The following ATXN10 variants were observed in gnomAD, a reference collection of about 807,000 sequenced individuals.
ATXN10 encodes ataxin-10.
A neutral mutation model predicts 52.9 loss-of-function variants in ATXN10; 28 were observed. The ratio of observed to expected loss-of-function variants is 0.53; its 90% CI spans 0.39 to 0.73. The LOEUF (loss-of-function observed/expected upper bound fraction) is 0.73, where lower values mean the gene tolerates loss of function less well. ATXN10 is among the 30% of genes least tolerant of loss of function. ATXN10 has a pLI of 0.00. For missense variants in ATXN10, 565 were observed against 577.0 expected (o/e 0.98, Z 0.21); for synonymous variants, 226 against 221.5 (o/e 1.02, Z -0.18).
rs1019190981 is a variant in ATXN10 at position 45,835,191 on chromosome 22, C to T, written c.1238-7800C>T. On this transcript the variant is annotated intron_variant, in intron 10 of 11. Coordinates refer to ENST00000252934, the MANE Select transcript of ATXN10 (RefSeq NM_013236.4). The surrounding 1 kb of genome is among the most constrained non-coding windows in gnomAD (Gnocchi z 5.0). ...GAGTGGGCAGGGCACAGGTCATCTT[C>T]CCATGACTTCACTGCCAGATGGACG... Among the ~76,000 whole-genome samples the T allele has an allele frequency of 3.9e-5, 6 of 152,222 alleles. No individual in the cohort carries two copies. Among genetic ancestry groups the T allele is most frequent in the Non-Finnish European group, 8.8e-5 (6 of 68,048 alleles).
chr22:45,778,927 G>A (rs1298287627), intron 9 of ATXN10, among the ~76,000 whole-genome samples: 1 of 152,238 alleles, frequency 6.6e-6, no homozygotes, highest in Admixed American at 6.5e-5. Flanking sequence ...ACTCAGGCAT[G>A]TCTGGTGAGT....
At chr22:45,836,318 A>G (rs1929165989) in intron 10 of ATXN10, among the ~76,000 whole-genome samples, 1 of 152,270 alleles carries the variant, frequency 6.6e-6, no homozygotes. Context: ...ATCTCTTGAC[A>G]TTCGAGTTTA....
chr22:45,724,705 G>T (rs1924800003), intron 6 of ATXN10, among the ~76,000 whole-genome samples: 1 of 152,060 alleles, frequency 6.6e-6, no homozygotes, highest in Non-Finnish European at 1.5e-5. Flanking sequence ...TGTTCCATTT[G>T]CTTTTGGGAT....
chr22:45,826,456 T>C lies in ATXN10; in HGVS notation c.1238-16535T>C, dbSNP rs1360528984. On this transcript the variant is annotated intron_variant, in intron 10 of 11. Coordinates refer to ENST00000252934, the MANE Select transcript of ATXN10 (RefSeq NM_013236.4). This position sits in a 1 kb window ranked among gnomAD's most constrained non-coding sequence, Gnocchi z 5.0. ...TATACAACCAGGAAACTCGGTGAGC[T>C]CCAAGTTAAGATGAACTCAAGGAGA... 6.6e-6 allele frequency among the ~76,000 whole-genome samples: 1 copy of C among 152,064 alleles called. No homozygotes were observed. Among genetic ancestry groups the C allele is most frequent in the Non-Finnish European group, 1.5e-5 (1 of 68,012 alleles).
intron 7 of ATXN10, among the ~76,000 whole-genome samples, chr22:45,737,554 G>GT (rs1190970360): frequency 6.6e-6 from 1 of 151,666 alleles, no homozygotes; most frequent in South Asian, 2.1e-4. Flanking sequence ...AATATGAGTT[G>GT]TTTTTTGCTA....
intron 9 of ATXN10, among the ~76,000 whole-genome samples, chr22:45,806,098 A>G (rs1928090515): frequency 6.6e-6 from 1 of 152,232 alleles, no homozygotes; most frequent in African/African-American, 2.4e-5. Context: ...AATTTTAGAA[A>G]TGGGGTTACT....
In ATXN10 at chr22:45,738,919, T is replaced by A. The variant is rs557393724; in HGVS notation, c.1003+80T>A. The A allele has an allele frequency of 5.8e-5, 73 of 1,251,546 alleles. No homozygotes were observed. The South Asian group carries it at 8.3e-4, about 14-fold the overall frequency. 77.5% of individuals were successfully genotyped at this position (1,251,546 alleles called of 1,614,324 possible). ...ACTGTAATATAAATCCAAATACAAA[T>A]CCTTAATTTTCAGTGTACTTTGGGA... On this transcript the variant is annotated intron_variant, in intron 8 of 11. Coordinates refer to ENST00000252934, the MANE Select transcript of ATXN10 (RefSeq NM_013236.4).
At position 45,718,355 on chromosome 22, in the gene ATXN10, G is replaced by C. The variant is rs1375450379; in HGVS notation, c.648-58G>C. 2 of 1,280,542 alleles carry C rather than the reference G, an allele frequency of 1.6e-6. No individual in the cohort carries two copies. Among genetic ancestry groups the C allele is most frequent in the African/African-American group, 2.9e-5 (2 of 68,324 alleles). 79.3% of individuals were successfully genotyped at this position (1,280,542 alleles called of 1,614,324 possible). On this transcript the variant is annotated intron_variant, in intron 5 of 11. Transcript: ENST00000252934. The surrounding 1 kb of genome is among the most constrained non-coding windows in gnomAD (Gnocchi z 4.4). ...AAGTGGTGCCTATAAAGTAGATAAG[G>C]GCATGTCTCTTTTACTATGTTTCAA...
At chr22:45,729,929 A>G (rs1252299499) in intron 7 of ATXN10, among the ~76,000 whole-genome samples, 1 of 152,142 alleles carries the variant, frequency 6.6e-6, no homozygotes, top group Non-Finnish European at 1.5e-5. Context: ...TTCGGAATGT[A>G]AGCTCTAGGA....
Position 45,672,111 on chromosome 22 carries a change from G to T in ATXN10, c.48G>T (p.Val16=), listed in dbSNP as rs1188587285. The stretch of plus-strand genomic sequence containing the variant: ...CTGCCAGGCTGTCGGGCGTCATGGT[G>T]CCGGCGCCCATCCAAGACCTGGAGG... ...PPPARLSGVM[V]PAPIQDLEAL... Residue 16 remains valine (V), a synonymous_variant, in exon 1 of 12, where the codon GTG becomes GTT. Transcript: ENST00000252934. 6.5e-7 allele frequency: 1 copy of T among 1,540,070 alleles called. No individual in the cohort carries two copies. Among genetic ancestry groups the T allele is most frequent in the South Asian group, 1.2e-5 (1 of 83,914 alleles).
intron 5 of ATXN10, among the ~76,000 whole-genome samples, chr22:45,710,915 A>G (rs73441170): frequency 0.013 from 1,947 of 152,272 alleles, 45 homozygotes; most frequent in African/African-American, 0.045. Flanking sequence ...CTTCAGGCTT[A>G]TCTGAAGCAG....
At position 45,718,054 on chromosome 22, in the gene ATXN10, C is replaced by G. The variant is rs1569034942; in HGVS notation, c.648-359C>G. Among the ~76,000 whole-genome samples, 1 of 152,146 alleles carries G rather than the reference C, an allele frequency of 6.6e-6. No individual in the cohort carries two copies. The highest frequency in any genetic ancestry group is 1.5e-5 in the Non-Finnish European group (1 of 68,016). ...GTTCATTATAGCAGTTAGCTTCTGA[C>G]TAAACCAATTTAATATGTTTTTTGT... On this transcript the variant is annotated intron_variant, in intron 5 of 11. Coordinates refer to ENST00000252934, the MANE Select transcript of ATXN10 (RefSeq NM_013236.4). The surrounding 1 kb of genome is among the most constrained non-coding windows in gnomAD (Gnocchi z 4.4).
In ATXN10 at chr22:45,813,443, C is replaced by T. The variant is rs543888970; in HGVS notation, c.1237+6421C>T. On this transcript the variant is annotated intron_variant, in intron 10 of 11. Coordinates refer to ENST00000252934, the MANE Select transcript of ATXN10 (RefSeq NM_013236.4). ...TTTTTTGTTTTTTTCTTTTTTCTTCCTTTCTTCATTTCTTTTTTTTTTTTT... is the reference window on the plus strand; with the variant it reads ...TTTTTTGTTTTTTTCTTTTTTCTTCTTTTCTTCATTTCTTTTTTTTTTTTT... 1.9e-4 allele frequency among the ~76,000 whole-genome samples: 20 copies of T among 105,700 alleles called. No homozygotes were observed. In the East Asian group the frequency reaches 4.7e-3, roughly 25 times the overall value. 69.3% of individuals were successfully genotyped at this position (105,700 alleles called of 152,430 possible).
At chr22:45,802,668 C>A (rs2146880140) in intron 9 of ATXN10, among the ~76,000 whole-genome samples, 1 of 152,286 alleles carries the variant, frequency 6.6e-6, no homozygotes, top group Admixed American at 6.5e-5. Context: ...GGAACGCATA[C>A]CCTCAGTTGA....
chr22:45,809,430 T>A (rs1216568524), intron 10 of ATXN10, among the ~76,000 whole-genome samples: 1 of 152,250 alleles, frequency 6.6e-6, no homozygotes, highest in East Asian at 1.9e-4. Flanking sequence ...AGCTCCACTT[T>A]TTACACTTTT....
At chr22:45,691,934 CACACTGGTCTTGTTGTGG>C (rs1027527330) in intron 2 of ATXN10, among the ~76,000 whole-genome samples, 4 of 152,164 alleles carry the variant, frequency 2.6e-5, no homozygotes, top group Non-Finnish European at 4.4e-5. Context: ...CTGAGCCTTA[CACACTGGTCTTGTTGTGG>C]ATGACTGCTC....
chr22:45,836,097 G>T (rs1414669065), intron 10 of ATXN10, among the ~76,000 whole-genome samples: 2 of 152,160 alleles, frequency 1.3e-5, no homozygotes, highest in East Asian at 3.8e-4. Flanking sequence ...AGCCAAAATG[G>T]GTGGTTTGTG....
Position 45,816,782 on chromosome 22 carries a change from CAT to C in ATXN10, c.1237+9761_1237+9762del, listed in dbSNP as rs1226654384. Among the ~76,000 whole-genome samples, 1 of 152,190 alleles carries C rather than the reference CAT, an allele frequency of 6.6e-6. No individual in the cohort carries two copies. The highest frequency in any genetic ancestry group is 2.4e-5 in the African/African-American group (1 of 41,434). On this transcript the variant is annotated intron_variant, in intron 10 of 11. Coordinates refer to ENST00000252934, the MANE Select transcript of ATXN10 (RefSeq NM_013236.4). The surrounding 1 kb of genome is among the most constrained non-coding windows in gnomAD (Gnocchi z 5.8). ...AACCTCGTGGAGTCTTTATTAGTCACATGTGCATTTTGGAGCTTCCATTTGGG... is the reference window on the plus strand; with the variant it reads ...AACCTCGTGGAGTCTTTATTAGTCACGTGCATTTTGGAGCTTCCATTTGGG...
In ATXN10 at chr22:45,718,394, C is replaced by A; in HGVS notation, c.648-19C>A. The A allele has an allele frequency of 6.3e-7, 1 of 1,597,246 alleles. No homozygotes were observed. Among genetic ancestry groups the A allele is most frequent in the South Asian group, 1.1e-5 (1 of 90,720 alleles). On this transcript the variant is annotated intron_variant, in intron 5 of 11. Transcript: ENST00000252934. This position sits in a 1 kb window ranked among gnomAD's most constrained non-coding sequence, Gnocchi z 4.4. ...ACTATGTTTCAAGTAACCAAACTTT[C>A]CTCCTCTTTTTTCCCTAGGTTCTTG...
Sources: allele counts gnomAD v4.1 joint callset (sites outside exome capture counted in the v4.1 genomes callset), GRCh38; gene constraint gnomAD v4.1.1; non-coding constraint Gnocchi (gnomAD v3.1); transcripts MANE v1.5; gene names NCBI Gene and HGNC (gene_info 2026-07-23, HGNC 2026-07-21).